The following CCDC51 variants were observed in gnomAD, a reference collection of about 807,000 sequenced individuals.
CCDC51 encodes mitochondrial potassium channel.
Under a neutral mutation model 24.8 loss-of-function variants are expected in CCDC51, and 25 were observed. The observed-to-expected ratio is 1.01, with a 90% CI of 0.73 to 1.41. The LOEUF is 1.41. CCDC51 is among the 40% of genes most tolerant of loss of function. CCDC51 has a pLI of 0.00. For missense variants in CCDC51, 466 were observed against 519.1 expected, an observed-to-expected ratio of 0.90 and a Z score of 0.99; for synonymous variants, 190 against 204.3, an observed-to-expected ratio of 0.93 and a Z score of 0.60.
intron 1 of CCDC51, among the ~76,000 whole-genome samples, chr3:48,439,372 G>A (rs1054131890): frequency 5.3e-5 from 8 of 152,236 alleles, no homozygotes; most frequent in Non-Finnish European, 7.3e-5. Flanking sequence ...GGTGGCTCAC[G>A]CCTGTAATCC....
Position 48,439,994 on chromosome 3 carries a change from T to C in CCDC51, c.-15A>G. On this transcript the variant is annotated 5_prime_UTR_variant, in exon 1 of 4. Coordinates refer to ENST00000395694, the MANE Select transcript of CCDC51 (RefSeq NM_001256964.2). ...CACATGCCCTGCTGTCTACCTGCAG[T>C]GCTCTTCCCGCGCACGGCCACAGGC... 1 of 493,058 alleles carries C rather than the reference T, an allele frequency of 2.0e-6. No homozygotes were observed. The highest frequency in any genetic ancestry group is 1.9e-5 in the African/African-American group (1 of 51,388). 30.5% of individuals were successfully genotyped at this position (493,058 alleles called of 1,614,324 possible). A position where few individuals can be genotyped will look rare whatever the true frequency, so the allele number is the denominator to read the frequency against.
At chr3:48,440,678 T>C, upstream of CCDC51, 1 of 1,540,374 alleles carries the variant, frequency 6.5e-7, no homozygotes, top group Non-Finnish European at 8.9e-7. Context: ...TATGAGCACC[T>C]ATTGGGATGA....
chr3:48,439,322 A>C (rs949764427), intron 1 of CCDC51, among the ~76,000 whole-genome samples: 3 of 152,222 alleles, frequency 2.0e-5, no homozygotes, highest in Admixed American at 2.0e-4. Context: ...CCCAGCGCTC[A>C]GCACTGTTAT....
At position 48,432,822 on chromosome 3, in the gene CCDC51, A is replaced by G; in HGVS notation, c.822T>C (p.His274=). ...NLMVDLRGLV[H]AAGPGQDSGS... Reference sequence around the variant, plus strand: ...CAGAGTCCTGCCCTGGCCCAGCAGCATGTACCAGGCCCCTCAGGTCCACCA... The same window carrying G: ...CAGAGTCCTGCCCTGGCCCAGCAGCGTGTACCAGGCCCCTCAGGTCCACCA... Residue 274 remains histidine, a synonymous_variant, in exon 4 of 4, where the codon CAT becomes CAC. Coordinates refer to ENST00000395694, the MANE Select transcript of CCDC51 (RefSeq NM_001256964.2). 1.2e-6 allele frequency: 2 copies of G among 1,614,142 alleles called. 1 individual carries two copies.
Position 48,432,968 on chromosome 3 carries a change from G to C in CCDC51, c.676C>G (p.Arg226Gly). ...VAGSTYVNRV[R>G]LQELKALLLE... The stretch of plus-strand genomic sequence containing the variant: ...AGTAAAGCCTTCAGCTCCTGTAGTC[G>C]CACACGGTTCACATAGGTGGAGCCA... The change falls in exon 4 of 4, where the codon CGA (arginine) becomes GGA (glycine). Residue 226 changes from arginine to glycine, a missense_variant. Physicochemically the swap from Arg to Gly is moderately radical, Grantham distance 125. Coordinates refer to ENST00000395694, the MANE Select transcript of CCDC51 (RefSeq NM_001256964.2). 1 of 1,614,068 alleles carries C rather than the reference G, an allele frequency of 6.2e-7. No individual in the cohort carries two copies. Among genetic ancestry groups the C allele is most frequent in the Non-Finnish European group, 8.5e-7 (1 of 1,180,008 alleles).
At chr3:48,440,675 A>G, upstream of CCDC51, 1 of 1,555,598 alleles carries the variant, frequency 6.4e-7, no homozygotes, top group Non-Finnish European at 8.8e-7. Flanking sequence ...CGCTATGAGC[A>G]CCTATTGGGA....
At chr3:48,436,873 GT>G (rs969054516) in intron 1 of CCDC51, among the ~76,000 whole-genome samples, 1 of 152,068 alleles carries the variant, frequency 6.6e-6, no homozygotes, top group African/African-American at 2.4e-5. Flanking sequence ...CTCCCCTGCC[GT>G]CCCCCACCCC....
Position 48,432,782 on chromosome 3 carries a change from T to C in CCDC51, c.862A>G (p.Ser288Gly), listed in dbSNP as rs773810441. Residue 288 changes from serine (S) to glycine (G), a missense_variant, in exon 4 of 4, where the codon AGT (serine) becomes GGT (glycine). Physicochemically the swap from Ser to Gly is moderately conservative, Grantham distance 56. Coordinates refer to ENST00000395694, the MANE Select transcript of CCDC51 (RefSeq NM_001256964.2). ...PGQDSGSQAG[S>G]PPTRDRDVDV... Reference sequence around the variant, plus strand: ...ACATCTCTGTCTCTGGTCGGGGGACTACCTGCCTGTGACCCAGAGTCCTGC... The same window carrying C: ...ACATCTCTGTCTCTGGTCGGGGGACCACCTGCCTGTGACCCAGAGTCCTGC... 2 of 1,614,200 alleles carry C rather than the reference T, an allele frequency of 1.2e-6. No individual in the cohort carries two copies. The highest frequency in any genetic ancestry group is 2.2e-5 in the South Asian group (2 of 91,086).
Position 48,433,658 on chromosome 3 carries a change from G to C in CCDC51, c.477+49C>G. 1 of 1,581,084 alleles carries C rather than the reference G, an allele frequency of 6.3e-7. No individual in the cohort carries two copies. The highest frequency in any genetic ancestry group is 1.2e-5 in the South Asian group (1 of 86,012). On this transcript the variant is annotated intron_variant, in intron 3 of 3. Coordinates refer to ENST00000395694, the MANE Select transcript of CCDC51 (RefSeq NM_001256964.2). This position sits in a 1 kb window ranked among gnomAD's most constrained non-coding sequence, Gnocchi z 4.4. The stretch of plus-strand genomic sequence containing the variant: ...ACCCGGCCCCTCCATGATCTGCCAG[G>C]CTAGGGTCACTGTCCAGGTGCGAAA...
upstream of CCDC51, among the ~76,000 whole-genome samples, chr3:48,442,704 C>T (rs2039598468): frequency 2.0e-5 from 3 of 152,092 alleles, no homozygotes; most frequent in South Asian, 6.2e-4. Flanking sequence ...CCCGCCTCCA[C>T]CTCCCAAAGT....
Position 48,433,124 on chromosome 3 carries a change from A to G in CCDC51, c.520T>C (p.Ser174Pro). The G allele has an allele frequency of 6.2e-7, 1 of 1,613,770 alleles. No homozygotes were observed. The highest frequency in any genetic ancestry group is 1.7e-5 in the Admixed American group (1 of 60,028). The change falls in exon 4 of 4, where the codon TCT becomes CCT. Residue 174 changes from serine (S) to proline (P), a missense_variant. Transcript: ENST00000395694. The surrounding 1 kb of genome is among the most constrained non-coding windows in gnomAD (Gnocchi z 4.4). ...AAGAGGGAGAACTTCTCTCGCTCAGAGTCTTCTGCACGCAGATAGGCTGTG... is the reference window on the plus strand; with the variant it reads ...AAGAGGGAGAACTTCTCTCGCTCAGGGTCTTCTGCACGCAGATAGGCTGTG... ...LRTAYLRAEDSEREKFSLFSA... is the reference protein window; with the variant it reads ...LRTAYLRAEDPEREKFSLFSA...
At chr3:48,440,156 C>T, upstream of CCDC51, 5 of 1,404,852 alleles carry the variant, frequency 3.6e-6, no homozygotes, top group Non-Finnish European at 4.7e-6. Context: ...AGTACCCGCC[C>T]CTGGAGCGCC....
In CCDC51 at chr3:48,432,177, A is replaced by T; in HGVS notation, c.*231T>A. On this transcript the variant is annotated 3_prime_UTR_variant, in exon 4 of 4. Coordinates refer to ENST00000395694, the MANE Select transcript of CCDC51 (RefSeq NM_001256964.2). ...GAAAAAAACTCAGTCTGATTGTTTT[A>T]AATAATAAAACTCAGGATATTTTAA... 1 of 549,272 alleles carries T rather than the reference A, an allele frequency of 1.8e-6. No homozygotes were observed. The highest frequency in any genetic ancestry group is 3.2e-6 in the Non-Finnish European group (1 of 310,884). The allele number at this position is 549,272 out of a possible 1,614,324, so 34.0% of individuals were successfully genotyped here. A position where few individuals can be genotyped will look rare whatever the true frequency, so the allele number is the denominator to read the frequency against.
upstream of CCDC51, among the ~76,000 whole-genome samples, chr3:48,443,544 A>G (rs2039614291): frequency 6.6e-6 from 1 of 152,154 alleles, no homozygotes; most frequent in African/African-American, 2.4e-5. Flanking sequence ...AGAAAAAAAA[A>G]AAAAAAGGAC....
chr3:48,441,378 T>G (rs2039560434), upstream of CCDC51, among the ~76,000 whole-genome samples: 1 of 151,860 alleles, frequency 6.6e-6, no homozygotes, highest in African/African-American at 2.4e-5. Context: ...AGACGGAGTT[T>G]CACCATGTTG....
Position 48,434,903 on chromosome 3 carries a change from T to C in CCDC51, c.226A>G (p.Thr76Ala). Residue 76 changes from threonine to alanine, a missense_variant, in exon 2 of 4, where the codon ACC (threonine) becomes GCC (alanine). By Grantham distance (58) the Thr-to-Ala change is moderately conservative (BLOSUM62 0). Coordinates refer to ENST00000395694, the MANE Select transcript of CCDC51 (RefSeq NM_001256964.2). ...TCCCACCAAGTCTTGGCTGTGGAGG[T>C]CGCTCGTTGCTGAATGCTGTGCCCC... ...ALGHSIQQRATSTAKTWWDRY... is the reference protein window; with the variant it reads ...ALGHSIQQRAASTAKTWWDRY... The C allele has an allele frequency of 6.2e-7, 1 of 1,614,136 alleles. No individual in the cohort carries two copies. The highest frequency in any genetic ancestry group is 1.1e-5 in the South Asian group (1 of 91,084).
chr3:48,440,125 T>C, upstream of CCDC51: 4 of 1,079,222 alleles, frequency 3.7e-6, no homozygotes, highest in Non-Finnish European at 5.2e-6. Context: ...CGTCTGCCAC[T>C]CAGTTGACCT....
At chr3:48,440,717 C>A, upstream of CCDC51, 1 of 1,199,056 alleles carries the variant, frequency 8.3e-7, no homozygotes, top group Non-Finnish European at 1.2e-6. Flanking sequence ...TTCCTGCCTC[C>A]TGAACTGCGA....
chr3:48,439,716 C>G (rs1208880045), intron 1 of CCDC51, among the ~76,000 whole-genome samples: 1 of 152,170 alleles, frequency 6.6e-6, no homozygotes, highest in African/African-American at 2.4e-5. Context: ...AGTAGTTTTA[C>G]TATATTAACA....
Sources: gnomAD v4.1 joint callset for allele counts (sites outside exome capture counted in the v4.1 genomes callset) on GRCh38, gnomAD v4.1.1 for gene constraint, Gnocchi (gnomAD v3.1) non-coding constraint, MANE v1.5 for transcripts, NCBI Gene and HGNC (gene_info 2026-07-23, HGNC 2026-07-21) for gene names.